Variants in CARD8 observed in about 807,000 individuals in gnomAD.
The protein encoded by CARD8 is caspase recruitment domain-containing protein 8.
CARD8 carries 38 observed loss-of-function variants against 53.2 expected under a neutral mutation model. The ratio of observed to expected loss-of-function variants is 0.71; its 90% CI spans 0.55 to 0.94. CARD8 has a LOEUF of 0.94. CARD8 is among the 40% of genes least tolerant of loss of function. The pLI is 0.00. For missense variants in CARD8, 561 were observed against 655.5 expected (o/e 0.86, Z 1.57); for synonymous variants, 245 against 244.9 (o/e 1.00, Z 0.00).
intron 5 of CARD8, among the ~76,000 whole-genome samples, chr19:48,235,654 G>T (rs563341712): frequency 7.9e-5 from 12 of 152,198 alleles, no homozygotes; most frequent in South Asian, 4.2e-4. Flanking sequence ...AAAGCACTGG[G>T]ATTACAGTCA....
rs2043522519 is a variant in CARD8, at chr19:48,234,560, G to GA, written c.210-18dup. On this transcript the variant is annotated splice_polypyrimidine_tract_variant and intron_variant, in intron 5 of 13. Coordinates refer to ENST00000651546, the MANE Select transcript of CARD8 (RefSeq NM_001184900.3). ...CTGTATACCCTGGAAAACAACAACA[G>GA]AATTTTTACTATGAATATAAGGTAG... The GA allele has an allele frequency of 1.2e-6, 2 of 1,607,984 alleles. No individual in the cohort carries two copies. Among genetic ancestry groups the GA allele is most frequent in the South Asian group, 2.2e-5 (2 of 90,562 alleles).
intron 3 of CARD8, among the ~76,000 whole-genome samples, chr19:48,249,124 G>T (rs2046596939): frequency 6.7e-6 from 1 of 150,282 alleles, no homozygotes; most frequent in Admixed American, 6.6e-5. Flanking sequence ...TTGAACCCGA[G>T]AGGTGGAGGT....
chr19:48,231,900 G>T, intron 7 of CARD8, 90 bp from the exon 8 acceptor site: 2 of 1,128,254 alleles, frequency 1.8e-6, no homozygotes, highest in Non-Finnish European at 1.3e-6. Context: ...CACAGGTGCT[G>T]TTGGGATACA....
intron 10 of CARD8, among the ~76,000 whole-genome samples, chr19:48,229,061 C>T (rs1368213874): frequency 6.6e-6 from 1 of 152,078 alleles, no homozygotes; most frequent in Non-Finnish European, 1.5e-5. Flanking sequence ...ATCGCTTGAA[C>T]CCGGGAGGCG....
intron 10 of CARD8, among the ~76,000 whole-genome samples, chr19:48,222,910 T>G (rs1000250749): frequency 6.6e-6 from 1 of 152,186 alleles, no homozygotes; most frequent in African/African-American, 2.4e-5. Flanking sequence ...ACAAGGGGAC[T>G]TTGGGGAAGC....
chr19:48,233,086 C>A, intron 6 of CARD8: 1 of 350,468 alleles, frequency 2.9e-6, no homozygotes, highest in South Asian at 2.2e-5. Context: ...GCTTTAAAAA[C>A]CACCCAATAC....
chr19:48,206,400 G>A, downstream of CARD8: 1 of 457,082 alleles, frequency 2.2e-6, no homozygotes, highest in Non-Finnish European at 4.4e-6. Context: ...GGATAGTGAA[G>A]ATCTAGAGCA....
intron 10 of CARD8, among the ~76,000 whole-genome samples, chr19:48,226,462 T>C (rs1433784622): frequency 6.6e-6 from 1 of 152,162 alleles, no homozygotes; most frequent in Non-Finnish European, 1.5e-5. Context: ...TGGCCTCAAG[T>C]GATCTGCTTG....
chr19:48,244,354 T>C (rs1183844787), intron 3 of CARD8, among the ~76,000 whole-genome samples: 1 of 152,182 alleles, frequency 6.6e-6, no homozygotes, highest in Non-Finnish European at 1.5e-5. Context: ...GAGACAGATT[T>C]AATTCACAGA....
chr19:48,242,933 CATTCTAGTA>C (rs2045455821), intron 3 of CARD8, among the ~76,000 whole-genome samples: 1 of 152,010 alleles, frequency 6.6e-6, no homozygotes. Context: ...TGAAAATGGC[CATTCTAGTA>C]CATGTAAAGT....
At chr19:48,221,013 A>G (rs2040519558) in intron 11 of CARD8, among the ~76,000 whole-genome samples, 1 of 141,114 alleles carries the variant, frequency 7.1e-6, no homozygotes, top group African/African-American at 2.8e-5. Flanking sequence ...AAAGAAAAAG[A>G]AAGAAAGAAA....
At chr19:48,228,062 C>G (rs961796408) in intron 10 of CARD8, among the ~76,000 whole-genome samples, 1 of 152,166 alleles carries the variant, frequency 6.6e-6, no homozygotes, top group Admixed American at 6.5e-5. Context: ...GATTCTCATA[C>G]GAGCGTGAAC....
At position 48,228,093 on chromosome 19, in the gene CARD8, C is replaced by G. The variant is rs1055715037; in HGVS notation, c.1035+2345G>C. ...TGAACCCTGCTGTGAACTGCCCATG[C>G]AAGGGATCTAGGTTGCACGCCCTTT... is the stretch of plus-strand genomic sequence containing the variant. On this transcript the variant is annotated intron_variant, in intron 10 of 13. Coordinates refer to ENST00000651546, the MANE Select transcript of CARD8 (RefSeq NM_001184900.3). 1.3e-5 allele frequency among the ~76,000 whole-genome samples: 2 copies of G among 152,212 alleles called. 1 individual carries two copies. Among genetic ancestry groups the G allele is most frequent in the Admixed American group, 1.3e-4 (2 of 15,286 alleles).
intron 3 of CARD8, among the ~76,000 whole-genome samples, chr19:48,247,299 G>A (rs561519339): frequency 6.6e-6 from 1 of 152,234 alleles, no homozygotes; most frequent in African/African-American, 2.4e-5. Flanking sequence ...ACTCCAGCCT[G>A]GGTGACACAG....
chr19:48,205,456 C>G (rs1463519014), downstream of CARD8, among the ~76,000 whole-genome samples: 2 of 152,130 alleles, frequency 1.3e-5, no homozygotes. Flanking sequence ...TCTTGAACTC[C>G]TGACCTCAAG....
At chr19:48,251,350 T>G (rs970138968) in intron 1 of CARD8, among the ~76,000 whole-genome samples, 5 of 152,210 alleles carry the variant, frequency 3.3e-5, no homozygotes, top group African/African-American at 1.2e-4. Flanking sequence ...AAACACCAAC[T>G]TTTTCTCCTG....
chr19:48,205,262 C>T (rs966575579), downstream of CARD8, among the ~76,000 whole-genome samples: 3 of 152,148 alleles, frequency 2.0e-5, no homozygotes, highest in Admixed American at 1.3e-4. Flanking sequence ...TGGAGTCTTA[C>T]GCTGTCGCCC....
In CARD8 at chr19:48,217,061, G is replaced by C. The variant is rs138258856; in HGVS notation, c.1304-1677C>G. On this transcript the variant is annotated intron_variant, in intron 12 of 13. Coordinates refer to ENST00000651546, the MANE Select transcript of CARD8 (RefSeq NM_001184900.3). ...GCACCCTAGATCCCTCGCCTGCACA[G>C]TTCACAATAGGGTTCGCGCTCCTAC... Among the ~76,000 whole-genome samples the C allele has an allele frequency of 3.2e-3, 484 of 152,150 alleles. 3 individuals carry two copies. Among genetic ancestry groups the C allele is most frequent in the African/African-American group, 9.8e-3 (407 of 41,522 alleles).
At chr19:48,215,265 T>C (rs1184013874) in intron 13 of CARD8, 75 bp downstream of exon 13, 17 of 1,052,600 alleles carry the variant, frequency 1.6e-5, no homozygotes, top group Non-Finnish European at 2.2e-5. Context: ...GTCACTTGGA[T>C]ACCTTCCACT....
Sources: gnomAD v4.1 joint callset for allele counts (sites outside exome capture counted in the v4.1 genomes callset) on GRCh38, gnomAD v4.1.1 for gene constraint, MANE v1.5 for transcripts, NCBI Gene and HGNC (gene_info 2026-07-23, HGNC 2026-07-21) for gene names.